Variants in ZNF273 observed in about 807,000 individuals in gnomAD.
ZNF273 encodes zinc finger protein 9.
A neutral mutation model predicts 14.9 loss-of-function variants in ZNF273; 11 were observed. The observed-to-expected ratio is 0.74, with a 90% confidence interval of 0.46 to 1.22. ZNF273 has a LOEUF of 1.22. Ranked by LOEUF, ZNF273 falls within the 50% of genes most tolerant of loss-of-function variation. The pLI, the probability that ZNF273 is intolerant of heterozygous loss-of-function variation, is 0.00. For synonymous variants in ZNF273, 199 were observed against 223.9 expected (o/e 0.89, Z 0.99); for missense variants, 577 against 660.6 (o/e 0.87, Z 1.39).
rs1173711655 is a variant in ZNF273 at position 64,928,785 on chromosome 7, A to G, written c.1457A>G (p.Tyr486Cys). 2 of 1,613,636 alleles carry G rather than the reference A, an allele frequency of 1.2e-6. No individual in the cohort carries two copies. The highest frequency in any genetic ancestry group is 2.2e-5 in the East Asian group (1 of 44,834). Residue 486 changes from tyrosine (Y) to cysteine (C), a missense_variant, in exon 4 of 4, where the codon TAC becomes TGC. Tyr to Cys is a radical substitution (Grantham distance 194, BLOSUM62 -2). Around this residue, in one of 3 missense-constraint regions of ZNF273, gnomAD observed 411 missense variants for 440.4 expected, o/e 0.93. Transcript: ENST00000476120. ...HKRVHTGEKP[Y>C]KCNECGKAFN... ...AGAGTTCATACTGGAGAGAAACCTT[A>G]CAAATGCAATGAATGTGGTAAAGCC...
downstream of ZNF273, among the ~76,000 whole-genome samples, chr7:64,890,774 A>G (rs1791978933): frequency 1.5e-5 from 2 of 136,978 alleles, no homozygotes; most frequent in South Asian, 4.9e-4. Flanking sequence ...TCCCCATTGT[A>G]AGGCAGAAAA....
intron 1 of ZNF273, among the ~76,000 whole-genome samples, chr7:64,912,840 T>TGTTTTTTG (rs1562959208): frequency 8.5e-6 from 1 of 117,332 alleles, no homozygotes; most frequent in Admixed American, 9.4e-5. Context: ...TTTTTTTTTT[T>TGTTTTTTG]TTTTTTGAGA....
chr7:64,905,452 A>G (rs573388322), intron 1 of ZNF273, among the ~76,000 whole-genome samples: 1 of 138,582 alleles, frequency 7.2e-6, no homozygotes, highest in African/African-American at 2.7e-5. Flanking sequence ...TGAAAAGCTA[A>G]CCCGTTGAGA....
chr7:64,893,033 C>T (rs1313490290), downstream of ZNF273, among the ~76,000 whole-genome samples: 1 of 152,102 alleles, frequency 6.6e-6, no homozygotes, highest in Non-Finnish European at 1.5e-5. Context: ...GCACAGCTGC[C>T]GGCATTCACC....
chr7:64,927,104 T>C (rs945072214), intron 3 of ZNF273, among the ~76,000 whole-genome samples: 2 of 152,180 alleles, frequency 1.3e-5, no homozygotes, highest in South Asian at 4.1e-4. Context: ...TTTACTCCTT[T>C]TTTTTGAGAC....
intron 3 of ZNF273, chr7:64,923,402 G>A (rs1343378435): frequency 6.6e-6 from 3 of 454,082 alleles, no homozygotes; most frequent in Non-Finnish European, 1.3e-5. Flanking sequence ...GTGCAGTGGC[G>A]TGATCTTGGG....
rs746174998 is a variant in ZNF273 at position 64,912,826 on chromosome 7, G to GTTTTGTTTTTTGTT, written c.103-4751_103-4750insGTTTTTTGTTTTTT. Among the ~76,000 whole-genome samples, 177 of 36,568 alleles carry GTTTTGTTTTTTGTT rather than the reference G, an allele frequency of 4.8e-3. 11 individuals carry two copies. Among genetic ancestry groups the GTTTTGTTTTTTGTT allele is most frequent in the Middle Eastern group, 0.05 (2 of 40 alleles). The allele number at this position is 36,568 out of a possible 152,430, so 24.0% of individuals were successfully genotyped here. A position where few individuals can be genotyped will look rare whatever the true frequency, so the allele number is the denominator to read the frequency against. On this transcript the variant is annotated intron_variant, in intron 1 of 3. Transcript: ENST00000476120. ...TCTTTTTGACTCAGGATTCATTTTA[G>GTTTTGTTTTTTGTT]TTTTTTTTTTTTTTTTTTTTGAGAT...
Position 64,928,108 on chromosome 7 carries a change from T to C in ZNF273, c.780T>C (p.Asn260=). Residue 260 remains asparagine (N), a synonymous_variant, in exon 4 of 4, where the codon AAT becomes AAC. Coordinates refer to ENST00000476120, the MANE Select transcript of ZNF273 (RefSeq NM_021148.3). The part of the protein sequence containing the change: ...TKHKIIHPEV[N]PYKCEECGKA... ...ATAAGATAATTCATCCTGAAGTGAA[T>C]CCCTACAAATGTGAAGAATGTGGCA... 2 of 1,613,440 alleles carry C rather than the reference T, an allele frequency of 1.2e-6. No homozygotes were observed. Among genetic ancestry groups the C allele is most frequent in the East Asian group, 4.5e-5 (2 of 44,800 alleles).
At chr7:64,911,908 G>C (rs541086401) in intron 1 of ZNF273, among the ~76,000 whole-genome samples, 1 of 151,892 alleles carries the variant, frequency 6.6e-6, no homozygotes, top group Admixed American at 6.6e-5. Flanking sequence ...TGTGTTCCAG[G>C]GATACTGGTA....
At chr7:64,883,112 T>C (rs564381341), downstream of ZNF273, among the ~76,000 whole-genome samples, 11 of 152,092 alleles carry the variant, frequency 7.2e-5, no homozygotes, top group South Asian at 2.1e-3. Flanking sequence ...TCTGTGCGGC[T>C]CTGCTTGGGC....
chr7:64,918,659 C>CAAA lies in ZNF273; in HGVS notation c.325+394_325+396dup, dbSNP rs1171857179. ...CTGGAGACAGAGTGAGACTCCATCT[C>CAAA]AAAAAAAAAAAAAAAAAAAAAAAAA... On this transcript the variant is annotated intron_variant, in intron 3 of 3. Coordinates refer to ENST00000476120, the MANE Select transcript of ZNF273 (RefSeq NM_021148.3). 5.0e-3 allele frequency among the ~76,000 whole-genome samples: 404 copies of CAAA among 80,024 alleles called. 17 individuals are homozygous for CAAA. The highest frequency in any genetic ancestry group is 0.023 in the East Asian group (62 of 2,662). 52.5% of individuals were successfully genotyped at this position (80,024 alleles called of 152,430 possible). A position where few individuals can be genotyped will look rare whatever the true frequency, so the allele number is the denominator to read the frequency against.
chr7:64,883,795 G>A (rs545509780), downstream of ZNF273, among the ~76,000 whole-genome samples: 1 of 152,258 alleles, frequency 6.6e-6, no homozygotes, highest in East Asian at 1.9e-4. Context: ...CATTTTTCTC[G>A]TGGGCCTAGA....
downstream of ZNF273, chr7:64,889,646 C>T (rs1440618297): frequency 4.1e-6 from 4 of 985,878 alleles, no homozygotes; most frequent in Non-Finnish European, 4.8e-6. This position sits in a 1 kb window ranked among gnomAD's most constrained non-coding sequence, Gnocchi z 4.2. Flanking sequence ...ACCGGAGCCG[C>T]CTGGGTCTGT....
intron 3 of ZNF273, among the ~76,000 whole-genome samples, chr7:64,920,377 T>G (rs1233026599): frequency 1.3e-5 from 2 of 152,106 alleles, no homozygotes; most frequent in Admixed American, 1.3e-4. Flanking sequence ...CAGGTCACTG[T>G]GTGGATTTCT....
downstream of ZNF273, among the ~76,000 whole-genome samples, chr7:64,931,431 C>T (rs77823424): frequency 0.049 from 7,449 of 152,060 alleles, 566 homozygotes; most frequent in African/African-American, 0.16. Context: ...ATTATATGAG[C>T]TGGTCAGGGA....
chr7:64,920,293 G>A (rs1794333597), intron 3 of ZNF273, among the ~76,000 whole-genome samples: 1 of 151,974 alleles, frequency 6.6e-6, no homozygotes, highest in Admixed American at 6.6e-5. Flanking sequence ...TTTGCAGTTG[G>A]GTCTATATAT....
chr7:64,900,843 C>T (rs1792665027), upstream of ZNF273, among the ~76,000 whole-genome samples: 1 of 152,146 alleles, frequency 6.6e-6, no homozygotes, highest in African/African-American at 2.4e-5. Context: ...ATGAAACCAG[C>T]AACCCACTTC....
chr7:64,900,740 A>C (rs1792658822), upstream of ZNF273, among the ~76,000 whole-genome samples: 1 of 152,250 alleles, frequency 6.6e-6, no homozygotes, highest in Non-Finnish European at 1.5e-5. Context: ...CACCGTATAC[A>C]AATGGCACAC....
In ZNF273 at chr7:64,928,211, T is replaced by C. The variant is rs758239017; in HGVS notation, c.883T>C (p.Cys295Arg). 18 of 1,613,310 alleles carry C rather than the reference T, an allele frequency of 1.1e-5. No individual in the cohort carries two copies. Among genetic ancestry groups the C allele is most frequent in the Middle Eastern group, 3.3e-4 (2 of 6,070 alleles). The part of the protein sequence containing the change: ...TEEKPYKCED[C>R]GKVFSVFSVL... The stretch of plus-strand genomic sequence containing the variant: ...AGAGAAACCTTACAAATGTGAAGAT[T>C]GTGGCAAAGTCTTTAGTGTATTTTC... Residue 295 changes from cysteine (C) to arginine (R), a missense_variant, in exon 4 of 4, where the codon TGT (cysteine) becomes CGT (arginine). Physicochemically the swap from Cys to Arg is radical, Grantham distance 180 (BLOSUM62 -3). Coordinates refer to ENST00000476120, the MANE Select transcript of ZNF273 (RefSeq NM_021148.3).
Sources: gnomAD v4.1 joint callset for allele counts (sites outside exome capture counted in the v4.1 genomes callset) on GRCh38, gnomAD v4.1.1 for gene constraint, gnomAD v4.1.1 regional missense constraint, Gnocchi (gnomAD v3.1) non-coding constraint, MANE v1.5 for transcripts, NCBI Gene and HGNC (gene_info 2026-07-23, HGNC 2026-07-21) for gene names.